Variants in CCBE1 observed in about 807,000 individuals in gnomAD.
CCBE1 encodes collagen and calcium binding EGF domains 1, also known as collagen and calcium-binding EGF domain-containing protein 1.
In CCBE1, 37 loss-of-function variants were observed where a neutral mutation model predicts 50.0. The observed-to-expected ratio is 0.74, with a 90% confidence interval of 0.57 to 0.97. The LOEUF (loss-of-function observed/expected upper bound fraction) is 0.97. Among genes scored for constraint, CCBE1 ranks in the 50% least tolerant of loss-of-function variants. The pLI is 0.00. For missense variants in CCBE1, 538 were observed against 523.8 expected (o/e 1.03, Z -0.26); for synonymous variants, 234 against 203.7 (o/e 1.15, Z -1.27).
intron 1 of CCBE1, 144 bp downstream of exon 1, chr18:59,697,068 C>T: frequency 8.6e-7 from 1 of 1,157,288 alleles, no homozygotes; most frequent in Non-Finnish European, 1.2e-6. Context: ...TCGCCCAGGA[C>T]AGCTGAGCAC....
intron 2 of CCBE1, among the ~76,000 whole-genome samples, chr18:59,692,484 C>T (rs1568276172): frequency 1.3e-5 from 2 of 151,972 alleles, no homozygotes; most frequent in Non-Finnish European, 2.9e-5. Context: ...TATCGAAGCC[C>T]ACTCCCCCGC....
At chr18:59,513,372 G>T (rs1453117435) in intron 2 of CCBE1, among the ~76,000 whole-genome samples, 1 of 152,186 alleles carries the variant, frequency 6.6e-6, no homozygotes, top group East Asian at 1.9e-4. Flanking sequence ...GAATTAGCGG[G>T]AAAGTAATCC....
At chr18:59,677,505 C>G (rs2054521953) in intron 2 of CCBE1, among the ~76,000 whole-genome samples, 1 of 151,982 alleles carries the variant, frequency 6.6e-6, no homozygotes. Context: ...GATACATTTC[C>G]CAAGATCCTT....
chr18:59,561,202 T>C (rs1318726537), intron 2 of CCBE1, among the ~76,000 whole-genome samples: 1 of 152,180 alleles, frequency 6.6e-6, no homozygotes, highest in Non-Finnish European at 1.5e-5. Flanking sequence ...TTATCAAAGC[T>C]CATGTATGTA....
At chr18:59,508,183 G>A (rs1598962923) in intron 2 of CCBE1, among the ~76,000 whole-genome samples, 3 of 151,870 alleles carry the variant, frequency 2.0e-5, no homozygotes, top group South Asian at 2.1e-4. Context: ...GAGCCACTGC[G>A]CCCCGCCGTT....
rs1324187409 is a variant in CCBE1, at chr18:59,432,721, T to C, written c.*3187A>G. ...CCATAAGTTTTGCTGGAGAATATTA[T>C]CTGGAATAGTTTCATGAAACCCAGA... is the stretch of plus-strand genomic sequence containing the variant. On this transcript the variant is annotated 3_prime_UTR_variant, in exon 11 of 11. Coordinates refer to ENST00000439986, the MANE Select transcript of CCBE1 (RefSeq NM_133459.4). The C allele has an allele frequency of 6.6e-6, 1 of 152,204 alleles. No homozygotes were observed. Among genetic ancestry groups the C allele is most frequent in the Non-Finnish European group, 1.5e-5 (1 of 68,042 alleles). The allele number at this position is 152,204 out of a possible 1,614,324, so 9.4% of individuals were successfully genotyped here. A position where few individuals can be genotyped will look rare whatever the true frequency, so the allele number is the denominator to read the frequency against.
Position 59,586,211 on chromosome 18 carries a change from A to C in CCBE1, c.213-105973T>G, listed in dbSNP as rs532385453. 6.6e-5 allele frequency among the ~76,000 whole-genome samples: 10 copies of C among 152,330 alleles called. No individual in the cohort carries two copies. In the South Asian group the frequency reaches 2.1e-3, roughly 32 times the overall value. The stretch of plus-strand genomic sequence containing the variant: ...CCAATAAAGGACTCAAAGTTTTTAA[A>C]ACAAAAGTCACATGATACTCCCTGG... On this transcript the variant is annotated intron_variant, in intron 2 of 10. Coordinates refer to ENST00000439986, the MANE Select transcript of CCBE1 (RefSeq NM_133459.4).
At chr18:59,626,163 C>T (rs1320536775) in intron 2 of CCBE1, among the ~76,000 whole-genome samples, 1 of 152,146 alleles carries the variant, frequency 6.6e-6, no homozygotes, top group Non-Finnish European at 1.5e-5. Flanking sequence ...TTTGACCAAT[C>T]TTAGTATCTA....
chr18:59,452,667 T>A (rs1040982661), intron 6 of CCBE1, among the ~76,000 whole-genome samples: 2 of 151,944 alleles, frequency 1.3e-5, no homozygotes, highest in Non-Finnish European at 2.9e-5. Context: ...AGGACCTAGG[T>A]TTTAGGCCTG....
intron 2 of CCBE1, among the ~76,000 whole-genome samples, chr18:59,526,898 T>C (rs1914845714): frequency 1.3e-5 from 2 of 152,226 alleles, no homozygotes; most frequent in South Asian, 4.1e-4. Context: ...TCAGTTCTTT[T>C]GCATTTGCCA....
At chr18:59,526,684 A>G (rs113820243) in intron 2 of CCBE1, among the ~76,000 whole-genome samples, 3,336 of 152,218 alleles carry the variant, frequency 0.022, 110 homozygotes, top group African/African-American at 0.075. Flanking sequence ...CTTTAGCTGC[A>G]TTCCAGAGAT....
At chr18:59,463,952 G>T (rs1911618852) in intron 5 of CCBE1, 2 of 152,212 alleles carry the variant, frequency 1.3e-5, no homozygotes, top group Non-Finnish European at 1.5e-5. Context: ...TTAGAAAGCT[G>T]CTTTCTTGTG....
chr18:59,484,150 C>T (rs1346126373), intron 2 of CCBE1, among the ~76,000 whole-genome samples: 1 of 152,126 alleles, frequency 6.6e-6, no homozygotes, highest in Non-Finnish European at 1.5e-5. Context: ...TCCTAACAAC[C>T]AGAAGGAAAA....
chr18:59,487,022 C>G (rs912185787), intron 2 of CCBE1, among the ~76,000 whole-genome samples: 1 of 150,916 alleles, frequency 6.6e-6, no homozygotes, highest in African/African-American at 2.4e-5. Flanking sequence ...GTAGATAATC[C>G]TGGTCAGGCA....
rs548988576 is a variant in CCBE1 at position 59,556,693 on chromosome 18, G to GA, written c.213-76456dup. On this transcript the variant is annotated intron_variant, in intron 2 of 10. Transcript: ENST00000439986. The stretch of plus-strand genomic sequence containing the variant: ...CAGTTCTGAAATTAACAATTATTTG[G>GA]AAAAAAAATCAATACATTGTCATAG... Among the ~76,000 whole-genome samples, 21 of 151,930 alleles carry GA rather than the reference G, an allele frequency of 1.4e-4. No individual in the cohort carries two copies. In the South Asian group the frequency reaches 2.3e-3, roughly 17 times the overall value.
intron 2 of CCBE1, among the ~76,000 whole-genome samples, chr18:59,546,498 AT>A (rs1181187533): frequency 6.6e-6 from 1 of 152,236 alleles, no homozygotes; most frequent in Non-Finnish European, 1.5e-5. Flanking sequence ...ACCCTATGCC[AT>A]TTCACAGAGG....
At chr18:59,555,348 G>A (rs959758866) in intron 2 of CCBE1, among the ~76,000 whole-genome samples, 1 of 152,178 alleles carries the variant, frequency 6.6e-6, no homozygotes, top group African/African-American at 2.4e-5. Flanking sequence ...TCAAGGCTAT[G>A]AAACTGCCCC....
intron 2 of CCBE1, among the ~76,000 whole-genome samples, chr18:59,526,395 C>T (rs1244588198): frequency 5.3e-5 from 8 of 151,326 alleles, no homozygotes; most frequent in African/African-American, 1.5e-4. Context: ...CTGCAACCTC[C>T]GCCTCCTGGG....
Position 59,697,298 on chromosome 18 carries a change from C to A in CCBE1, c.45G>T (p.Gln15His). The change falls in exon 1 of 11, where the codon CAG (glutamine) becomes CAT (histidine). Residue 15 changes from glutamine to histidine, a missense_variant. By Grantham distance (24) the Gln-to-His change is conservative (BLOSUM62 0). Transcript: ENST00000439986. ...PPSRGGAARG[Q>H]LGRSLGPLLL... ...GCAGCGGACCCAGGCTCCTGCCCAGCTGGCCCCTGGCAGCTCCTCCCCGGC... is the reference window on the plus strand; with the variant it reads ...GCAGCGGACCCAGGCTCCTGCCCAGATGGCCCCTGGCAGCTCCTCCCCGGC... 6.5e-7 allele frequency: 1 copy of A among 1,549,082 alleles called. No individual in the cohort carries two copies. The highest frequency in any genetic ancestry group is 8.7e-7 in the Non-Finnish European group (1 of 1,146,856).
Sources: allele counts gnomAD v4.1 joint callset (sites outside exome capture counted in the v4.1 genomes callset), GRCh38; gene constraint gnomAD v4.1.1; transcripts MANE v1.5; gene names NCBI Gene and HGNC (gene_info 2026-07-23, HGNC 2026-07-21).